The following GRM3 variants were observed in gnomAD, a reference collection of about 807,000 sequenced individuals.
GRM3 encodes the protein metabotropic glutamate receptor 3.
Under a neutral mutation model 70.5 loss-of-function variants are expected in GRM3, and 26 were observed. The ratio of observed to expected loss-of-function variants is 0.37; its 90% CI spans 0.27 to 0.51. The LOEUF (loss-of-function observed/expected upper bound fraction) is 0.51. Among genes scored for constraint, GRM3 ranks in the 20% least tolerant of loss-of-function variants. The probability of loss-of-function intolerance (pLI) is 0.93; values close to 1 mark genes in which losing one functional copy is unlikely to be tolerated. For synonymous variants in GRM3, 443 were observed against 434.9 expected (o/e 1.02, Z -0.23); for missense variants, 859 against 1,123.8 (o/e 0.76, Z 3.37).
At chr7:86,685,860 G>A (rs1436107102) in intron 1 of GRM3, among the ~76,000 whole-genome samples, 1 of 142,568 alleles carries the variant, frequency 7.0e-6, no homozygotes, top group Non-Finnish European at 1.5e-5. Context: ...AGCCGAGATC[G>A]CACCACTGCA....
intron 1 of GRM3, among the ~76,000 whole-genome samples, chr7:86,650,404 T>C (rs1218703819): frequency 2.6e-5 from 4 of 152,094 alleles, no homozygotes; most frequent in Non-Finnish European, 1.5e-5. Context: ...TTCATTGCAT[T>C]CAACAAGTGT....
At chr7:86,693,225 G>A (rs1293971294) in intron 1 of GRM3, among the ~76,000 whole-genome samples, 1 of 152,164 alleles carries the variant, frequency 6.6e-6, no homozygotes, top group Admixed American at 6.5e-5. Context: ...AACCCTTTGA[G>A]GCAAGTAGTA....
chr7:86,753,889 C>T (rs563149685), intron 1 of GRM3, among the ~76,000 whole-genome samples: 50 of 152,198 alleles, frequency 3.3e-4, no homozygotes, highest in African/African-American at 9.1e-4. Flanking sequence ...GCTCTCACCA[C>T]GGCCAATTTT....
chr7:86,786,146 A>G lies in GRM3; in HGVS notation c.469-115A>G. 2 of 859,916 alleles carry G rather than the reference A, an allele frequency of 2.3e-6. No homozygotes were observed. The highest frequency in any genetic ancestry group is 3.7e-6 in the Non-Finnish European group (2 of 543,410). 53.3% of individuals were successfully genotyped at this position (859,916 alleles called of 1,614,324 possible). ...CAAGAACTAACAGAAAAATGTAGCC[A>G]TCTAGAGTAGAGGGAAAAGGGAGTC... On this transcript the variant is annotated intron_variant, in intron 2 of 5. Transcript: ENST00000361669. This position sits in a 1 kb window ranked among gnomAD's most constrained non-coding sequence, Gnocchi z 6.0.
intron 1 of GRM3, among the ~76,000 whole-genome samples, chr7:86,652,327 TTGTTG>T (rs1793627272): frequency 1.3e-5 from 2 of 152,002 alleles, no homozygotes; most frequent in Non-Finnish European, 2.9e-5. Context: ...TGTTTTTGTT[TTGTTG>T]TTGTTGTTCT....
At chr7:86,727,885 A>C (rs1222232560) in intron 1 of GRM3, among the ~76,000 whole-genome samples, 1 of 152,198 alleles carries the variant, frequency 6.6e-6, no homozygotes, top group Non-Finnish European at 1.5e-5. Context: ...GACAGCTTTC[A>C]TACTACTAGG....
intron 3 of GRM3, among the ~76,000 whole-genome samples, chr7:86,809,059 A>G: frequency 6.6e-6 from 1 of 152,078 alleles, no homozygotes; most frequent in East Asian, 1.9e-4. Flanking sequence ...AAGAAACCTA[A>G]AGAGACTTAT....
chr7:86,799,207 TC>T (rs1797625330), intron 3 of GRM3, among the ~76,000 whole-genome samples: 1 of 152,192 alleles, frequency 6.6e-6, no homozygotes, highest in Non-Finnish European at 1.5e-5. Context: ...TGATTTTGTA[TC>T]CTGAGACTTT....
rs545776111 is a variant in GRM3, at chr7:86,659,822, T to G, written c.-141+14950T>G. Among the ~76,000 whole-genome samples the G allele has an allele frequency of 1.2e-4, 19 of 152,164 alleles. No individual in the cohort carries two copies. In the East Asian group the frequency reaches 2.9e-3, roughly 23 times the overall value. ...AAAGCTTTATTTCTTTACAAACTAT[T>G]TGTTCTTTTGATCTCCAGAATTTGT... On this transcript the variant is annotated intron_variant, in intron 1 of 5. Transcript: ENST00000361669.
intron 3 of GRM3, among the ~76,000 whole-genome samples, chr7:86,800,807 A>C (rs935739451): frequency 1.3e-5 from 2 of 152,222 alleles, no homozygotes; most frequent in South Asian, 4.1e-4. Context: ...GCACATCCTG[A>C]TACAAAAACC....
intron 1 of GRM3, among the ~76,000 whole-genome samples, chr7:86,757,154 G>A (rs145527402): frequency 3.6e-4 from 55 of 152,142 alleles, no homozygotes; most frequent in African/African-American, 1.3e-3. Flanking sequence ...CACCATTTCA[G>A]GTCTTATTTC....
chr7:86,828,930 T>C (rs990017504), intron 3 of GRM3, among the ~76,000 whole-genome samples: 1 of 152,222 alleles, frequency 6.6e-6, no homozygotes, highest in Non-Finnish European at 1.5e-5. Flanking sequence ...CTAAATCCTC[T>C]CTTGTCATTT....
At chr7:86,813,501 C>T (rs552757674) in intron 3 of GRM3, among the ~76,000 whole-genome samples, 2 of 151,760 alleles carry the variant, frequency 1.3e-5, no homozygotes, top group Admixed American at 1.3e-4. Context: ...TTTTAATCAA[C>T]TTTTATTTTT....
At chr7:86,819,887 T>C (rs1278118145) in intron 3 of GRM3, among the ~76,000 whole-genome samples, 1 of 152,162 alleles carries the variant, frequency 6.6e-6, no homozygotes, top group African/African-American at 2.4e-5. Context: ...TATGTAAGGT[T>C]GGTGTCTGCC....
intron 3 of GRM3, among the ~76,000 whole-genome samples, chr7:86,798,114 T>C (rs946340712): frequency 2.6e-5 from 4 of 152,134 alleles, no homozygotes; most frequent in Admixed American, 2.0e-4. Flanking sequence ...ATGGAGAACC[T>C]CTGCTAGGGC....
chr7:86,828,879 A>C (rs1300691737), intron 3 of GRM3, among the ~76,000 whole-genome samples: 2 of 152,254 alleles, frequency 1.3e-5, no homozygotes, highest in African/African-American at 4.8e-5. Flanking sequence ...CAGTTCTCTC[A>C]AATCCTGCCA....
In GRM3 at chr7:86,765,485, A is replaced by G. The variant is rs1216105564; in HGVS notation, c.340A>G (p.Arg114Gly). Reference protein sequence around the residue: ...YALEQSLEFVRASLTKVDEAE... With the variant: ...YALEQSLEFVGASLTKVDEAE... ...ATTGGAGCAATCACTGGAGTTTGTC[A>G]GGGCATCTTTGACAAAAGTGGATGA... Residue 114 changes from arginine (R) to glycine (G), a missense_variant, in exon 2 of 6, where the codon AGG becomes GGG. Physicochemically the swap from Arg to Gly is moderately radical, Grantham distance 125. Coordinates refer to ENST00000361669, the MANE Select transcript of GRM3 (RefSeq NM_000840.3). 1.9e-6 allele frequency: 3 copies of G among 1,613,976 alleles called. No homozygotes were observed. The highest frequency in any genetic ancestry group is 2.5e-6 in the Non-Finnish European group (3 of 1,179,892).
At chr7:86,855,053 C>CTCGTACT (rs1443695604) in intron 5 of GRM3, among the ~76,000 whole-genome samples, 4 of 152,196 alleles carry the variant, frequency 2.6e-5, no homozygotes, top group African/African-American at 9.7e-5. Flanking sequence ...AAATCCTAAA[C>CTCGTACT]TCGTACTTTT....
rs552885332 is a variant in GRM3 at position 86,722,052 on chromosome 7, G to C, written c.-140-42954G>C. ...TTTTAGAACATAGAAACTGAAAATT[G>C]AAAGAAACTCTTGAGATTGGGCACA... On this transcript the variant is annotated intron_variant, in intron 1 of 5. Coordinates refer to ENST00000361669, the MANE Select transcript of GRM3 (RefSeq NM_000840.3). Among the ~76,000 whole-genome samples, 7 of 152,178 alleles carry C rather than the reference G, an allele frequency of 4.6e-5. No homozygotes were observed. In the South Asian group the frequency reaches 1.4e-3, roughly 32 times the overall value.
Sources: gnomAD v4.1 joint callset for allele counts (sites outside exome capture counted in the v4.1 genomes callset) on GRCh38, gnomAD v4.1.1 for gene constraint, Gnocchi (gnomAD v3.1) non-coding constraint, MANE v1.5 for transcripts, NCBI Gene and HGNC (gene_info 2026-07-23, HGNC 2026-07-21) for gene names.